The following SLC5A10 variants were observed in gnomAD, a reference collection of about 807,000 sequenced individuals.
SLC5A10 encodes solute carrier family 5 member 10.
A neutral mutation model predicts 68.9 loss-of-function variants in SLC5A10; 55 were observed. The observed-to-expected ratio is 0.80, with a 90% CI of 0.64 to 1.00. The LOEUF (loss-of-function observed/expected upper bound fraction) is 1.00. Ranked by LOEUF, SLC5A10 falls within the 50% of genes least tolerant of loss-of-function variation. The probability of loss-of-function intolerance (pLI) is 0.00; values close to 1 mark genes in which losing one functional copy is unlikely to be tolerated. For synonymous variants in SLC5A10, 344 were observed against 344.8 expected, an observed-to-expected ratio of 1.00 and a Z score of 0.02; for missense variants, 732 against 819.3, an observed-to-expected ratio of 0.89 and a Z score of 1.30.
rs1485558418 is a variant in SLC5A10, at chr17:19,000,506, C to T, written c.983-12904C>T. On this transcript the variant is annotated intron_variant, in intron 9 of 14. Coordinates refer to ENST00000395645, the MANE Select transcript of SLC5A10 (RefSeq NM_001042450.4). The surrounding 1 kb of genome is among the most constrained non-coding windows in gnomAD (Gnocchi z 5.2). ...TCTAGTCATTTGGGAACAGGGGGGA[C>T]TGACAGCAGTCCTGACAGGAACACA... is the stretch of plus-strand genomic sequence containing the variant. Among the ~76,000 whole-genome samples the T allele has an allele frequency of 1.3e-5, 2 of 152,182 alleles. No homozygotes were observed. The highest frequency in any genetic ancestry group is 2.9e-5 in the Non-Finnish European group (2 of 68,030).
intron 7 of SLC5A10, chr17:18,970,571 TCTGC>T: frequency 1.6e-5 from 3 of 189,408 alleles, no homozygotes; most frequent in South Asian, 1.1e-4. Context: ...CACTCTCAGC[TCTGC>T]TAAAATCACA....
chr17:18,984,068 C>A (rs533804716), intron 9 of SLC5A10, among the ~76,000 whole-genome samples: 1 of 152,156 alleles, frequency 6.6e-6, no homozygotes, highest in Admixed American at 6.5e-5. Context: ...CTTGGCCGGG[C>A]GCGGTGGCTC....
intron 11 of SLC5A10, 92 bp from the exon 12 acceptor site, chr17:19,019,331 G>A: frequency 6.8e-7 from 1 of 1,470,186 alleles, no homozygotes; most frequent in Non-Finnish European, 9.1e-7. Context: ...GCAGGGGAAA[G>A]ATTAGAGAGC....
intron 9 of SLC5A10, among the ~76,000 whole-genome samples, chr17:18,995,884 G>A (rs1485952100): frequency 6.6e-6 from 1 of 151,156 alleles, no homozygotes. Flanking sequence ...CTCCAGCCTG[G>A]GCAACAGAGT....
Position 18,952,306 on chromosome 17 carries a change from T to C in SLC5A10, c.101T>C (p.Val34Ala). The change falls in exon 1 of 15, where the codon GTG becomes GCG. Residue 34 changes from valine (V) to alanine (A), a missense_variant. Coordinates refer to ENST00000395645, the MANE Select transcript of SLC5A10 (RefSeq NM_001042450.4). ...GTGTATTTTGCTCTGAATGTGGCCG[T>C]GGGCATATGGGTAAGGGGACCTGTG... ...ITVYFALNVA[V>A]GIWSSCRASR... The C allele has an allele frequency of 1.2e-5, 19 of 1,612,414 alleles. No individual in the cohort carries two copies. Among genetic ancestry groups the C allele is most frequent in the Non-Finnish European group, 1.6e-5 (19 of 1,179,210 alleles).
chr17:19,019,991 T>A (rs1267244712), intron 13 of SLC5A10, 63 bp downstream of exon 13: 2 of 1,504,388 alleles, frequency 1.3e-6, no homozygotes, highest in African/African-American at 2.8e-5. Context: ...CCCATTCTCA[T>A]CCCCGACCCA....
chr17:19,006,455 T>A (rs1285491048), intron 9 of SLC5A10, among the ~76,000 whole-genome samples: 1 of 150,454 alleles, frequency 6.6e-6, no homozygotes. Flanking sequence ...CTCAGACTGG[T>A]CTCAAACTCC....
intron 13 of SLC5A10, 43 bp from the exon 14 acceptor site, chr17:19,020,112 G>GGCCC: frequency 1.8e-6 from 1 of 551,506 alleles, no homozygotes; most frequent in Non-Finnish European, 2.8e-6. Context: ...CCCCCACCCT[G>GGCCC]CCATCCCCCA....
intron 9 of SLC5A10, among the ~76,000 whole-genome samples, chr17:18,981,971 G>A (rs1484499422): frequency 6.6e-6 from 1 of 152,186 alleles, no homozygotes; most frequent in Non-Finnish European, 1.5e-5. Flanking sequence ...CCTCCTGCAG[G>A]CTCCTGGCCC....
chr17:18,969,143 T>C lies in SLC5A10; in HGVS notation c.545T>C (p.Leu182Pro), dbSNP rs746241513. Residue 182 changes from leucine (L) to proline (P), a missense_variant, in exon 6 of 15, where the codon CTG becomes CCG. Coordinates refer to ENST00000395645, the MANE Select transcript of SLC5A10 (RefSeq NM_001042450.4). ...ATCCTCACGCTCGGCATCACAGCCC[T>C]GTACACCATCGCAGGTATGGTGCCT... is the stretch of plus-strand genomic sequence containing the variant. ...STILTLGITALYTIAGGLAAV... is the reference protein window; with the variant it reads ...STILTLGITAPYTIAGGLAAV... 2 of 1,613,848 alleles carry C rather than the reference T, an allele frequency of 1.2e-6. No individual in the cohort carries two copies. Among genetic ancestry groups the C allele is most frequent in the Non-Finnish European group, 1.7e-6 (2 of 1,179,948 alleles).
At position 19,022,204 on chromosome 17, in the gene SLC5A10, T is replaced by G. The variant is rs1463130351; in HGVS notation, c.*1773T>G. On this transcript the variant is annotated 3_prime_UTR_variant, in exon 15 of 15. Coordinates refer to ENST00000395645, the MANE Select transcript of SLC5A10 (RefSeq NM_001042450.4). Reference sequence around the variant, plus strand: ...CAGAAGCCCTGCAACCCACCCTCCCTCAGAGGCACCCAAGAGAAGTGATTT... The same window carrying G: ...CAGAAGCCCTGCAACCCACCCTCCCGCAGAGGCACCCAAGAGAAGTGATTT... 2 of 950,632 alleles carry G rather than the reference T, an allele frequency of 2.1e-6. No homozygotes were observed. Among genetic ancestry groups the G allele is most frequent in the African/African-American group, 3.5e-5 (2 of 57,902 alleles). The allele number at this position is 950,632 out of a possible 1,614,324, so 58.9% of individuals were successfully genotyped here. A position where few individuals can be genotyped will look rare whatever the true frequency, so the allele number is the denominator to read the frequency against.
chr17:18,979,391 C>G, intron 9 of SLC5A10: 1 of 873,914 alleles, frequency 1.1e-6, no homozygotes, highest in African/African-American at 1.7e-5. Context: ...TGCCTGCCTC[C>G]AGAGACAGAC....
Position 18,971,863 on chromosome 17 carries a change from G to A in SLC5A10, c.846+645G>A. 15 of 1,163,862 alleles carry A rather than the reference G, an allele frequency of 1.3e-5. No homozygotes were observed. Among genetic ancestry groups the A allele is most frequent in the Non-Finnish European group, 1.7e-5 (14 of 842,858 alleles). The allele number at this position is 1,163,862 out of a possible 1,614,324, so 72.1% of individuals were successfully genotyped here. ...AGGCCCGGGTTCGCCTCCTGGCTCT[G>A]CCATTCACCAGGGAGTGGGCCTAGA... On this transcript the variant is annotated intron_variant, in intron 8 of 14. Coordinates refer to ENST00000395645, the MANE Select transcript of SLC5A10 (RefSeq NM_001042450.4). The surrounding 1 kb of genome is among the most constrained non-coding windows in gnomAD (Gnocchi z 5.5).
rs1181960605 is a variant in SLC5A10, at chr17:19,003,074, A to T, written c.983-10336A>T. On this transcript the variant is annotated intron_variant, in intron 9 of 14. Transcript: ENST00000395645. The surrounding 1 kb of genome is among the most constrained non-coding windows in gnomAD (Gnocchi z 4.5). ...ACAAGGACCTCCAGGCCAGTCTCAG[A>T]TGGACTTGGACCATGCCTATTCCCT... Among the ~76,000 whole-genome samples the T allele has an allele frequency of 2.6e-5, 4 of 152,018 alleles. No homozygotes were observed. Among genetic ancestry groups the T allele is most frequent in the African/African-American group, 9.7e-5 (4 of 41,372 alleles).
chr17:18,971,645 C>A lies in SLC5A10; in HGVS notation c.846+427C>A, dbSNP rs1231069216. On this transcript the variant is annotated intron_variant, in intron 8 of 14. Transcript: ENST00000395645. This position sits in a 1 kb window ranked among gnomAD's most constrained non-coding sequence, Gnocchi z 5.5. ...GGCTGGGCCAGCGTTTCTGGTAGAGCTCTGGACGCTGTCAGCAGCAGAGCG... is the reference window on the plus strand; with the variant it reads ...GGCTGGGCCAGCGTTTCTGGTAGAGATCTGGACGCTGTCAGCAGCAGAGCG... The A allele has an allele frequency of 6.2e-7, 1 of 1,613,436 alleles. No homozygotes were observed. Among genetic ancestry groups the A allele is most frequent in the East Asian group, 2.2e-5 (1 of 44,870 alleles).
chr17:19,009,338 C>T (rs185805281), intron 9 of SLC5A10, among the ~76,000 whole-genome samples: 10 of 151,520 alleles, frequency 6.6e-5, no homozygotes, highest in Admixed American at 2.6e-4. Context: ...ACTACAGGCA[C>T]GAACCACCAC....
At chr17:18,998,219 C>A (rs1393414683) in intron 9 of SLC5A10, among the ~76,000 whole-genome samples, 2 of 152,270 alleles carry the variant, frequency 1.3e-5, no homozygotes, top group Non-Finnish European at 2.9e-5. Context: ...CATCTTCCTC[C>A]CCAGCTGCTC....
At chr17:18,975,257 C>T (rs1354762821) in intron 8 of SLC5A10, among the ~76,000 whole-genome samples, 1 of 152,224 alleles carries the variant, frequency 6.6e-6, no homozygotes, top group Non-Finnish European at 1.5e-5. Flanking sequence ...GCAGGAAGGA[C>T]AGCAGCTTGC....
At chr17:18,961,000 C>T (rs561320912) in intron 5 of SLC5A10, among the ~76,000 whole-genome samples, 8 of 152,268 alleles carry the variant, frequency 5.3e-5, no homozygotes, top group South Asian at 2.1e-4. Context: ...CACTAGGGGG[C>T]GCCAAAAGCC....
Sources: allele counts gnomAD v4.1 joint callset (sites outside exome capture counted in the v4.1 genomes callset), GRCh38; gene constraint gnomAD v4.1.1; non-coding constraint Gnocchi (gnomAD v3.1); transcripts MANE v1.5; gene names NCBI Gene and HGNC (gene_info 2026-07-23, HGNC 2026-07-21).